FRS2: variants seen among roughly 807,000 people sequenced by gnomAD.
FRS2 encodes FGFR signalling adaptor.
FRS2 carries 8 observed loss-of-function variants against 43.9 expected under a neutral mutation model. The observed-to-expected ratio is 0.18, with a 90% CI of 0.11 to 0.33. The LOEUF (loss-of-function observed/expected upper bound fraction) is 0.33. Ranked by LOEUF, FRS2 falls within the 10% of genes least tolerant of loss-of-function variation. FRS2 has a pLI of 1.00. For synonymous variants in FRS2, 219 were observed against 220.3 expected, an observed-to-expected ratio of 0.99 and a Z score of 0.05; for missense variants, 534 against 627.6, an observed-to-expected ratio of 0.85 and a Z score of 1.59.
At chr12:69,567,893 C>T (rs1298937616) in intron 4 of FRS2, among the ~76,000 whole-genome samples, 1 of 152,132 alleles carries the variant, frequency 6.6e-6, no homozygotes, top group Non-Finnish European at 1.5e-5. Flanking sequence ...TGTATCTGAT[C>T]GGATCTATCA....
intron 3 of FRS2, among the ~76,000 whole-genome samples, chr12:69,554,188 T>A (rs1263442603): frequency 6.6e-6 from 1 of 152,196 alleles, no homozygotes; most frequent in African/African-American, 2.4e-5. Flanking sequence ...TAAAGAACCC[T>A]TCAGTAAGTA....
At chr12:69,500,091 A>G (rs1266676900) in intron 1 of FRS2, among the ~76,000 whole-genome samples, 2 of 152,114 alleles carry the variant, frequency 1.3e-5, no homozygotes, top group Non-Finnish European at 2.9e-5. Context: ...TAAATGGAAA[A>G]CTAGTATCAC....
chr12:69,497,434 G>A (rs987750098), intron 1 of FRS2, among the ~76,000 whole-genome samples: 1 of 152,208 alleles, frequency 6.6e-6, no homozygotes, highest in Admixed American at 6.5e-5. Context: ...TTCATAGATG[G>A]TGCCTCTTGC....
At chr12:69,517,223 T>C (rs1166384733) in intron 1 of FRS2, among the ~76,000 whole-genome samples, 1 of 152,238 alleles carries the variant, frequency 6.6e-6, no homozygotes, top group Non-Finnish European at 1.5e-5. Flanking sequence ...TGCTTTCTGA[T>C]GGTTCAATGT....
chr12:69,515,663 A>T (rs901886003), intron 1 of FRS2, among the ~76,000 whole-genome samples: 1 of 152,168 alleles, frequency 6.6e-6, no homozygotes, highest in African/African-American at 2.4e-5. Context: ...GAGGGTATGC[A>T]CACACATTAC....
rs1880525159 is a variant in FRS2 at position 69,569,013 on chromosome 12, T to C, written c.-18T>C. 2 of 1,577,272 alleles carry C rather than the reference T, an allele frequency of 1.3e-6. No individual in the cohort carries two copies. Among genetic ancestry groups the C allele is most frequent in the African/African-American group, 1.4e-5 (1 of 73,926 alleles). On this transcript the variant is annotated 5_prime_UTR_variant, in exon 5 of 9. An upstream start codon of the reference 5' UTR is lost. Transcript: ENST00000549921. ...AATTATTTTTCATGTAGTGCACACATGGTCTTCTGAAGAAGCCATGGGTAG... is the reference window on the plus strand; with the variant it reads ...AATTATTTTTCATGTAGTGCACACACGGTCTTCTGAAGAAGCCATGGGTAG...
chr12:69,507,559 T>G (rs17645014), intron 1 of FRS2, among the ~76,000 whole-genome samples: 3,277 of 152,308 alleles, frequency 0.022, 75 homozygotes, highest in Non-Finnish European at 0.027. Flanking sequence ...GAAAAGAACT[T>G]CATTAATTTT....
intron 3 of FRS2, among the ~76,000 whole-genome samples, chr12:69,533,597 C>CCTTG (rs1247701364): frequency 6.6e-6 from 1 of 152,184 alleles, no homozygotes; most frequent in Non-Finnish European, 1.5e-5. Context: ...GATCCGCCTG[C>CCTTG]CTTGGCCTCC....
chr12:69,512,667 A>G (rs913712343), intron 1 of FRS2, among the ~76,000 whole-genome samples: 2 of 152,216 alleles, frequency 1.3e-5, no homozygotes, highest in African/African-American at 4.8e-5. Context: ...TTGATGGTTA[A>G]GAAATAGCCC....
intron 1 of FRS2, among the ~76,000 whole-genome samples, chr12:69,499,589 G>A (rs1196624295): frequency 6.6e-6 from 1 of 152,092 alleles, no homozygotes; most frequent in Non-Finnish European, 1.5e-5. Flanking sequence ...CTCTCATAGA[G>A]TGTGAAAGTT....
At chr12:69,477,153 G>C (rs1331268731) in intron 1 of FRS2, among the ~76,000 whole-genome samples, 1 of 151,964 alleles carries the variant, frequency 6.6e-6, no homozygotes, top group Non-Finnish European at 1.5e-5. Flanking sequence ...TAGGAATGCA[G>C]CCCAAAGTGT....
In FRS2 at chr12:69,565,983, T is replaced by G. The variant is rs532877250; in HGVS notation, c.-26-3022T>G. Among the ~76,000 whole-genome samples the G allele has an allele frequency of 1.1e-4, 6 of 54,852 alleles. 1 individual carries two copies. The highest frequency in any genetic ancestry group is 0.011 in the Middle Eastern group (1 of 92). 36.0% of individuals were successfully genotyped at this position (54,852 alleles called of 152,430 possible). ...TTTTATACACTGGCAGTGCAGTAGG[T>G]TTTTTTTTATACCAGCATTATCTCA... On this transcript the variant is annotated intron_variant, in intron 4 of 8. Transcript: ENST00000549921.
intron 4 of FRS2, 36 bp downstream of exon 4, chr12:69,562,310 G>A: frequency 5.0e-6 from 2 of 398,150 alleles, no homozygotes; most frequent in South Asian, 1.3e-4. Flanking sequence ...ACATCACTAA[G>A]CCTACATTTA....
intron 1 of FRS2, among the ~76,000 whole-genome samples, chr12:69,502,795 G>A (rs1873575904): frequency 6.6e-6 from 1 of 152,122 alleles, no homozygotes; most frequent in Non-Finnish European, 1.5e-5. Context: ...TAGTTTCCAG[G>A]CAAATTTATA....
intron 3 of FRS2, among the ~76,000 whole-genome samples, chr12:69,545,394 C>T (rs12828578): frequency 0.19 from 28,263 of 152,078 alleles, 2,828 homozygotes; most frequent in Middle Eastern, 0.29. Flanking sequence ...AACTACAAAG[C>T]TACAGTAATC....
At position 69,496,990 on chromosome 12, in the gene FRS2, G is replaced by T. The variant is rs561142228; in HGVS notation, c.-261+26460G>T. On this transcript the variant is annotated intron_variant, in intron 1 of 8. Transcript: ENST00000549921. ...ATGAAAGAGGAAATGAGGAAGCAAA[G>T]ATATAAAATGGATGATATTAAATAA... is the stretch of plus-strand genomic sequence containing the variant. Among the ~76,000 whole-genome samples the T allele has an allele frequency of 2.1e-4, 32 of 152,290 alleles. 1 individual carries two copies. In the South Asian group the frequency reaches 6.2e-3, roughly 30 times the overall value.
intron 1 of FRS2, among the ~76,000 whole-genome samples, chr12:69,485,841 A>G (rs182967984): frequency 2.0e-5 from 3 of 152,338 alleles, no homozygotes; most frequent in Admixed American, 2.0e-4. Flanking sequence ...AGTCTTCACA[A>G]TAATTCTGTA....
At chr12:69,558,309 TC>T (rs1165189253) in intron 3 of FRS2, among the ~76,000 whole-genome samples, 1 of 152,226 alleles carries the variant, frequency 6.6e-6, no homozygotes, top group Non-Finnish European at 1.5e-5. Context: ...TAAGTTAAAT[TC>T]TTCTTGTATG....
intron 1 of FRS2, among the ~76,000 whole-genome samples, chr12:69,477,323 C>T (rs2120659311): frequency 6.8e-6 from 1 of 146,856 alleles, no homozygotes; most frequent in Middle Eastern, 3.6e-3. Context: ...CTGTGTCCCC[C>T]AGGTTGGAGT....
Sources: gnomAD v4.1 joint callset for allele counts (sites outside exome capture counted in the v4.1 genomes callset) on GRCh38, gnomAD v4.1.1 for gene constraint, MANE v1.5 for transcripts, NCBI Gene and HGNC (gene_info 2026-07-23, HGNC 2026-07-21) for gene names.